WWC1: variants seen among roughly 807,000 people sequenced by gnomAD.
WWC1 encodes protein KIBRA.
In WWC1, 55 loss-of-function variants were observed where a neutral mutation model predicts 138.4. That is an observed-to-expected ratio of 0.40 (90% confidence interval 0.32 to 0.50). WWC1 has a LOEUF of 0.50. WWC1 is among the 20% of genes least tolerant of loss of function. The pLI is 0.72. For missense variants in WWC1, 1,226 were observed against 1,420.4 expected, an observed-to-expected ratio of 0.86 and a Z score of 2.20; for synonymous variants, 524 against 564.9, an observed-to-expected ratio of 0.93 and a Z score of 1.03.
intron 22 of WWC1, among the ~76,000 whole-genome samples, 174 bp downstream of exon 22, chr5:168,468,138 T>C (rs1477489535): frequency 2.0e-5 from 3 of 152,282 alleles, no homozygotes; most frequent in African/African-American, 4.8e-5. Flanking sequence ...TCTGCAGCGC[T>C]CTTCCCTTGG....
At position 168,403,017 on chromosome 5, in the gene WWC1, TC is replaced by T. The variant is rs1779443171; in HGVS notation, c.591-3180del. 4.3e-5 allele frequency among the ~76,000 whole-genome samples: 4 copies of T among 92,150 alleles called. No individual in the cohort carries two copies. The South Asian group carries it at 1.0e-3, about 24-fold the overall frequency. The allele number at this position is 92,150 out of a possible 152,430, so 60.5% of individuals were successfully genotyped here. ...GCTCTGTTGTTTCTTTTTCTTTCTT[TC>T]TTTCTTTCTTTCTTTCTTTCTTTCT... On this transcript the variant is annotated intron_variant, in intron 5 of 22. Coordinates refer to ENST00000265293, the MANE Select transcript of WWC1 (RefSeq NM_015238.3).
chr5:168,361,509 C>A (rs1012009171), intron 1 of WWC1, among the ~76,000 whole-genome samples: 3 of 152,102 alleles, frequency 2.0e-5, no homozygotes, highest in African/African-American at 7.2e-5. Context: ...GTTAGTTAGC[C>A]TGGGAAAATG....
intron 17 of WWC1, among the ~76,000 whole-genome samples, chr5:168,450,969 T>C (rs1211924091): frequency 6.6e-6 from 1 of 152,134 alleles, no homozygotes; most frequent in Non-Finnish European, 1.5e-5. Flanking sequence ...TATACTAAGA[T>C]TTCTTACAAC....
intron 1 of WWC1, among the ~76,000 whole-genome samples, chr5:168,296,882 G>T (rs2152736906): frequency 6.6e-6 from 1 of 152,284 alleles, no homozygotes; most frequent in South Asian, 2.1e-4. Flanking sequence ...CTGCTCCAGT[G>T]CCTAAGGAAT....
intron 19 of WWC1, among the ~76,000 whole-genome samples, chr5:168,456,443 G>A (rs565473038): frequency 6.6e-6 from 1 of 152,244 alleles, no homozygotes; most frequent in African/African-American, 2.4e-5. Context: ...GACCAGCCTG[G>A]CCCACATGGT....
intron 17 of WWC1, among the ~76,000 whole-genome samples, chr5:168,450,833 T>C (rs556244176): frequency 6.6e-6 from 1 of 151,936 alleles, no homozygotes; most frequent in South Asian, 2.1e-4. Flanking sequence ...AATCAATAAC[T>C]TGGGCTTTAT....
chr5:168,446,232 TAAAA>T (rs60746695), intron 17 of WWC1, among the ~76,000 whole-genome samples: 180 of 58,750 alleles, frequency 3.1e-3, no homozygotes, highest in African/African-American at 0.013. Context: ...CTCCCATTAT[TAAAA>T]AAAAAAAAAA....
intron 1 of WWC1, among the ~76,000 whole-genome samples, chr5:168,360,795 T>G (rs940794282): frequency 2.6e-5 from 4 of 152,210 alleles, no homozygotes; most frequent in African/African-American, 9.6e-5. Context: ...GTCAATTCCA[T>G]TTCTAGAAGG....
chr5:168,319,032 C>G (rs116718663), intron 1 of WWC1, among the ~76,000 whole-genome samples: 1 of 152,302 alleles, frequency 6.6e-6, no homozygotes, highest in East Asian at 1.9e-4. Context: ...CACATATACA[C>G]GACGTCTTGT....
Position 168,381,871 on chromosome 5 carries a change from A to T in WWC1, c.230-3340A>T, listed in dbSNP as rs529586461. Among the ~76,000 whole-genome samples, 6 of 151,188 alleles carry T rather than the reference A, an allele frequency of 4.0e-5. No homozygotes were observed. The East Asian group carries it at 7.7e-4, about 20-fold the overall frequency. On this transcript the variant is annotated intron_variant, in intron 2 of 22. Coordinates refer to ENST00000265293, the MANE Select transcript of WWC1 (RefSeq NM_015238.3). Reference sequence around the variant, plus strand: ...AAAAAAAAAAGCAATTTCACTGAGAATGTGGGGGGAGGCACTCATGTATGC... The same window carrying T: ...AAAAAAAAAAGCAATTTCACTGAGATTGTGGGGGGAGGCACTCATGTATGC...
rs191151760 is a variant in WWC1 at position 168,375,763 on chromosome 5, C to T, written c.229+4230C>T. Among the ~76,000 whole-genome samples, 211 of 151,966 alleles carry T rather than the reference C, an allele frequency of 1.4e-3. 1 individual carries two copies. Among genetic ancestry groups the T allele is most frequent in the African/African-American group, 4.5e-3 (188 of 41,490 alleles). On this transcript the variant is annotated intron_variant, in intron 2 of 22. Transcript: ENST00000265293. Reference sequence around the variant, plus strand: ...CTCATTTTTGTAATTTTAGTGGAGACAGGGTTTCACCTTGTTGGCCAGGCT... The same window carrying T: ...CTCATTTTTGTAATTTTAGTGGAGATAGGGTTTCACCTTGTTGGCCAGGCT...
At chr5:168,454,457 A>G (rs1756119349) in intron 18 of WWC1, among the ~76,000 whole-genome samples, 1 of 152,234 alleles carries the variant, frequency 6.6e-6, no homozygotes, top group Non-Finnish European at 1.5e-5. Flanking sequence ...AATGGGCACA[A>G]TAATACCAAC....
At chr5:168,333,802 A>G (rs1773229079) in intron 1 of WWC1, among the ~76,000 whole-genome samples, 4 of 152,074 alleles carry the variant, frequency 2.6e-5, no homozygotes, top group African/African-American at 9.7e-5. Context: ...AGAAATTGCT[A>G]TCCCTTACCA....
At chr5:168,334,459 A>G (rs1015643596) in intron 1 of WWC1, among the ~76,000 whole-genome samples, 8 of 152,140 alleles carry the variant, frequency 5.3e-5, no homozygotes, top group Admixed American at 6.5e-5. Context: ...CTCTTCACCT[A>G]CTTACACCTA....
At chr5:168,430,783 G>A (rs1375921516) in intron 14 of WWC1, among the ~76,000 whole-genome samples, 1 of 152,174 alleles carries the variant, frequency 6.6e-6, no homozygotes, top group African/African-American at 2.4e-5. Context: ...CTGCCTCCAA[G>A]TTTTCTCTGA....
chr5:168,402,627 C>A (rs1358758257), intron 5 of WWC1, among the ~76,000 whole-genome samples: 1 of 152,108 alleles, frequency 6.6e-6, no homozygotes, highest in Non-Finnish European at 1.5e-5. Flanking sequence ...CTCTTCACCC[C>A]CCTTTTAAGA....
chr5:168,367,480 C>T (rs1278315320), intron 1 of WWC1, among the ~76,000 whole-genome samples: 7 of 149,642 alleles, frequency 4.7e-5, no homozygotes, highest in African/African-American at 1.2e-4. Context: ...TACAGGCGCC[C>T]GCCACTGCGC....
At chr5:168,400,944 A>G (rs1368607253) in intron 5 of WWC1, among the ~76,000 whole-genome samples, 1 of 151,392 alleles carries the variant, frequency 6.6e-6, no homozygotes, top group African/African-American at 2.4e-5. Context: ...GAAAGAGAAA[A>G]AGCCCTCCAG....
chr5:168,292,215 G>A lies in WWC1; in HGVS notation c.63G>A (p.Lys21=). ...GWEEARDFDG[K]VYYIDHTNRT... ...AGGAGGCGCGCGACTTCGACGGCAA[G>A]GTCTACTACATAGACCACACGAACC... Residue 21 remains lysine, a synonymous_variant, in exon 1 of 23, where the codon AAG becomes AAA. Transcript: ENST00000265293. The surrounding 1 kb of genome is among the most constrained non-coding windows in gnomAD (Gnocchi z 4.4). 1 of 1,578,410 alleles carries A rather than the reference G, an allele frequency of 6.3e-7. No individual in the cohort carries two copies. Among genetic ancestry groups the A allele is most frequent in the Non-Finnish European group, 8.6e-7 (1 of 1,162,670 alleles).
Sources: gnomAD v4.1 joint callset for allele counts (sites outside exome capture counted in the v4.1 genomes callset) on GRCh38, gnomAD v4.1.1 for gene constraint, Gnocchi (gnomAD v3.1) non-coding constraint, MANE v1.5 for transcripts, NCBI Gene and HGNC (gene_info 2026-07-23, HGNC 2026-07-21) for gene names.